Variants in GFRA1 observed in about 807,000 individuals in gnomAD.
GFRA1 encodes GDNF family receptor alpha 1.
In GFRA1, 16 loss-of-function variants were observed where a neutral mutation model predicts 51.6. That is an observed-to-expected ratio of 0.31 (90% CI 0.21 to 0.47). GFRA1 has a LOEUF of 0.47. Ranked by LOEUF, GFRA1 falls within the 20% of genes least tolerant of loss-of-function variation. The pLI, the probability that GFRA1 is intolerant of heterozygous loss-of-function variation, is 1.00. For synonymous variants in GFRA1, 270 were observed against 241.3 expected (o/e 1.12, Z -1.10); for missense variants, 530 against 594.3 (o/e 0.89, Z 1.13).
At chr10:116,122,250 C>G (rs1431678757) in intron 6 of GFRA1, among the ~76,000 whole-genome samples, 1 of 152,202 alleles carries the variant, frequency 6.6e-6, no homozygotes, top group Non-Finnish European at 1.5e-5. Context: ...GGCAGCAGCA[C>G]AGACACGCCA....
chr10:116,169,163 G>A (rs1038221556), intron 5 of GFRA1, among the ~76,000 whole-genome samples: 9 of 152,134 alleles, frequency 5.9e-5, no homozygotes, highest in Admixed American at 5.2e-4. Flanking sequence ...CTGTCTTTAT[G>A]GGACAAGAAT....
intron 4 of GFRA1, among the ~76,000 whole-genome samples, chr10:116,227,479 G>C (rs1402002065): frequency 6.6e-6 from 1 of 152,212 alleles, no homozygotes; most frequent in African/African-American, 2.4e-5. Context: ...AATAAGCACA[G>C]AGCTATATTG....
intron 4 of GFRA1, among the ~76,000 whole-genome samples, chr10:116,229,081 C>T (rs545365507): frequency 1.3e-5 from 2 of 150,022 alleles, no homozygotes; most frequent in South Asian, 4.2e-4. Context: ...AGAAGGAACA[C>T]AGTCCTGCCG....
chr10:116,219,395 A>T (rs1279589460), intron 4 of GFRA1, among the ~76,000 whole-genome samples: 1 of 152,198 alleles, frequency 6.6e-6, no homozygotes, highest in Non-Finnish European at 1.5e-5. Flanking sequence ...TTTTCTCTTA[A>T]ATTGAATTAC....
chr10:116,083,239 G>T (rs571865551), intron 9 of GFRA1, among the ~76,000 whole-genome samples: 3 of 152,208 alleles, frequency 2.0e-5, no homozygotes, highest in African/African-American at 7.2e-5. Flanking sequence ...TTGGAGGGGT[G>T]GGGTAAGGAC....
In GFRA1 at chr10:116,089,729, C is replaced by T. The variant is rs8192666; in HGVS notation, c.1197+12G>A. On this transcript the variant is annotated intron_variant, in intron 9 of 10. Coordinates refer to ENST00000355422, the MANE Select transcript of GFRA1 (RefSeq NM_005264.8). ...AGGGAGCCCCAGCAAGGAATCTGGA[C>T]GCAGTTCTCACCTGTAAATTTGCAC... is the stretch of plus-strand genomic sequence containing the variant. 4.8e-3 allele frequency: 7,746 copies of T among 1,611,384 alleles called. 31 individuals carry two copies. The highest frequency in any genetic ancestry group is 6.1e-3 in the Non-Finnish European group (7,195 of 1,177,632).
At chr10:116,178,304 G>GGGA (rs1555163921) in intron 5 of GFRA1, among the ~76,000 whole-genome samples, 1 of 150,874 alleles carries the variant, frequency 6.6e-6, no homozygotes, top group Non-Finnish European at 1.5e-5. Context: ...GGGGCCGGGG[G>GGGA]GGCGTTTTAC....
intron 6 of GFRA1, among the ~76,000 whole-genome samples, chr10:116,121,506 C>A (rs1261479690): frequency 6.6e-6 from 1 of 152,220 alleles, no homozygotes; most frequent in Non-Finnish European, 1.5e-5. Flanking sequence ...TGCTTCCCAT[C>A]TGTTTGAAGG....
Position 116,273,178 on chromosome 10 carries a change from C to G in GFRA1, c.-262G>C, listed in dbSNP as rs893979528. 1 of 152,176 alleles carries G rather than the reference C, an allele frequency of 6.6e-6. No homozygotes were observed. Among genetic ancestry groups the G allele is most frequent in the Admixed American group, 6.5e-5 (1 of 15,280 alleles). 9.4% of individuals were successfully genotyped at this position (152,176 alleles called of 1,614,324 possible). A position where few individuals can be genotyped will look rare whatever the true frequency, so the allele number is the denominator to read the frequency against. ...TGCCACCAACCTGGACTCAACCGAC[C>G]GCGTCCAGCTGCGGCGAGGAGCCAG... On this transcript the variant is annotated 5_prime_UTR_variant, in exon 1 of 11. Coordinates refer to ENST00000355422, the MANE Select transcript of GFRA1 (RefSeq NM_005264.8).
intron 4 of GFRA1, among the ~76,000 whole-genome samples, chr10:116,217,707 T>C (rs1965654560): frequency 6.6e-6 from 1 of 152,188 alleles, no homozygotes; most frequent in African/African-American, 2.4e-5. Flanking sequence ...GCCTGTGTGA[T>C]CTTGGGCAAG....
chr10:116,064,613 C>A (rs1304133838), intron 10 of GFRA1, 69 bp from the exon 11 acceptor site: 19 of 1,425,054 alleles, frequency 1.3e-5, no homozygotes, highest in Non-Finnish European at 1.9e-5. Context: ...ACTTTACACT[C>A]TCTCTCCCCC....
intron 6 of GFRA1, among the ~76,000 whole-genome samples, chr10:116,123,094 T>C (rs1023994621): frequency 1.3e-5 from 2 of 152,224 alleles, no homozygotes; most frequent in African/African-American, 4.8e-5. Context: ...CAAAGCTCCC[T>C]ACAGCTTCTT....
At chr10:116,180,680 T>C (rs1962128875) in intron 5 of GFRA1, among the ~76,000 whole-genome samples, 1 of 152,202 alleles carries the variant, frequency 6.6e-6, no homozygotes, top group African/African-American at 2.4e-5. Flanking sequence ...TCTAGGTTCC[T>C]TCTATCCCTT....
chr10:116,121,569 G>A (rs888084422), intron 6 of GFRA1, among the ~76,000 whole-genome samples: 11 of 152,256 alleles, frequency 7.2e-5, no homozygotes, highest in African/African-American at 2.2e-4. Flanking sequence ...GGACCCTGGG[G>A]AAGGAAACCT....
intron 5 of GFRA1, among the ~76,000 whole-genome samples, chr10:116,196,536 A>T (rs1963774246): frequency 7.5e-6 from 1 of 133,066 alleles, no homozygotes; most frequent in African/African-American, 2.9e-5. Flanking sequence ...TATATTTATA[A>T]ATTTATATAT....
intron 6 of GFRA1, among the ~76,000 whole-genome samples, chr10:116,108,895 G>A (rs1231931236): frequency 6.6e-6 from 1 of 152,190 alleles, no homozygotes; most frequent in Non-Finnish European, 1.5e-5. Context: ...TTGAATAAAT[G>A]AGTTAATGAA....
intron 5 of GFRA1, among the ~76,000 whole-genome samples, chr10:116,128,283 G>A (rs1310665363): frequency 1.3e-5 from 2 of 152,188 alleles, no homozygotes; most frequent in Admixed American, 1.3e-4. Context: ...TCATAGTTGT[G>A]TAAAAGCCAA....
intron 6 of GFRA1, among the ~76,000 whole-genome samples, chr10:116,098,895 T>C (rs1466912027): frequency 6.6e-6 from 1 of 152,208 alleles, no homozygotes; most frequent in African/African-American, 2.4e-5. Flanking sequence ...TAAAACAAAA[T>C]ATACTGCTCT....
At chr10:116,182,431 C>T (rs1258007499) in intron 5 of GFRA1, among the ~76,000 whole-genome samples, 1 of 152,172 alleles carries the variant, frequency 6.6e-6, no homozygotes, top group Non-Finnish European at 1.5e-5. Flanking sequence ...TTCCATACCC[C>T]CAGCCCCCAG....
Sources: allele counts gnomAD v4.1 joint callset (sites outside exome capture counted in the v4.1 genomes callset), GRCh38; gene constraint gnomAD v4.1.1; transcripts MANE v1.5; gene names NCBI Gene and HGNC (gene_info 2026-07-23, HGNC 2026-07-21).